The following EDIL3 variants were observed in gnomAD, a reference collection of about 807,000 sequenced individuals.
The protein encoded by EDIL3 is EGF-like repeat and discoidin I-like domain-containing protein 3.
EDIL3 carries 37 observed loss-of-function variants against 67.4 expected under a neutral mutation model. That is an observed-to-expected ratio of 0.55 (90% CI 0.42 to 0.72). The LOEUF is 0.72. Ranked by LOEUF, EDIL3 falls within the 30% of genes least tolerant of loss-of-function variation. The pLI, the probability that EDIL3 is intolerant of heterozygous loss-of-function variation, is 0.00. For missense variants in EDIL3, 527 were observed against 586.3 expected (o/e 0.90, Z 1.04); for synonymous variants, 195 against 196.3 (o/e 0.99, Z 0.05).
intron 4 of EDIL3, among the ~76,000 whole-genome samples, chr5:84,156,016 T>C (rs73769751): frequency 8.7e-4 from 133 of 152,330 alleles, no homozygotes; most frequent in African/African-American, 3.1e-3. Flanking sequence ...GCTTCTGTCC[T>C]GTACGGAGGA....
intron 6 of EDIL3, among the ~76,000 whole-genome samples, chr5:84,074,313 A>G (rs1304382475): frequency 6.6e-6 from 1 of 151,550 alleles, no homozygotes; most frequent in Non-Finnish European, 1.5e-5. Flanking sequence ...CTAAAACACC[A>G]AAAGCAATGG....
intron 10 of EDIL3, among the ~76,000 whole-genome samples, chr5:83,955,972 T>G (rs1580251228): frequency 6.6e-6 from 1 of 151,958 alleles, no homozygotes; most frequent in Non-Finnish European, 1.5e-5. Context: ...GAAGGACAAC[T>G]GGCTTTCAAT....
intron 1 of EDIL3, among the ~76,000 whole-genome samples, chr5:84,302,335 C>T (rs1329193194): frequency 6.6e-6 from 1 of 152,008 alleles, no homozygotes; most frequent in Non-Finnish European, 1.5e-5. Context: ...CTCACTCTGT[C>T]GCCCAGGCTA....
chr5:84,139,977 G>C (rs907089097), intron 4 of EDIL3, among the ~76,000 whole-genome samples: 11 of 152,148 alleles, frequency 7.2e-5, no homozygotes, highest in Non-Finnish European at 1.2e-4. Context: ...CCATGTCAGA[G>C]AATGTAGATA....
chr5:84,344,608 T>C (rs955084574), intron 1 of EDIL3, among the ~76,000 whole-genome samples: 1 of 151,944 alleles, frequency 6.6e-6, no homozygotes, highest in Non-Finnish European at 1.5e-5. Context: ...TAATGTAAAA[T>C]ACATACCAGT....
At chr5:84,007,423 T>A (rs1171137575) in intron 9 of EDIL3, among the ~76,000 whole-genome samples, 1 of 152,108 alleles carries the variant, frequency 6.6e-6, no homozygotes, top group East Asian at 1.9e-4. Context: ...AACAACTCAG[T>A]AGGAAAAAAA....
chr5:84,314,305 A>G (rs2112147300), intron 1 of EDIL3, among the ~76,000 whole-genome samples: 1 of 152,338 alleles, frequency 6.6e-6, no homozygotes, highest in Middle Eastern at 3.4e-3. Context: ...GGGTAGGAAC[A>G]GCATGTAGTA....
At chr5:84,256,568 G>A (rs1027757298) in intron 1 of EDIL3, among the ~76,000 whole-genome samples, 1 of 152,086 alleles carries the variant, frequency 6.6e-6, no homozygotes, top group Non-Finnish European at 1.5e-5. Context: ...ATATAAATAC[G>A]TATTAGAAAT....
At chr5:84,205,070 GC>G (rs1561219884) in intron 3 of EDIL3, among the ~76,000 whole-genome samples, 1 of 133,484 alleles carries the variant, frequency 7.5e-6, no homozygotes, top group Non-Finnish European at 1.6e-5. Context: ...ATGCCACCAT[GC>G]CCTGGAAGAT....
chr5:84,108,219 C>T (rs1747497557), intron 5 of EDIL3, among the ~76,000 whole-genome samples: 1 of 151,792 alleles, frequency 6.6e-6, no homozygotes, highest in Non-Finnish European at 1.5e-5. Context: ...TCACTGTTAA[C>T]CATATTTTTA....
At chr5:84,181,069 T>C (rs1749004433) in intron 3 of EDIL3, 1 of 152,210 alleles carries the variant, frequency 6.6e-6, no homozygotes, top group South Asian at 2.1e-4. Flanking sequence ...GCAAAGCTTT[T>C]ATAGAGTATG....
At chr5:83,973,236 A>G (rs553862745) in intron 9 of EDIL3, among the ~76,000 whole-genome samples, 9 of 152,064 alleles carry the variant, frequency 5.9e-5, no homozygotes, top group Non-Finnish European at 1.2e-4. Context: ...GTGGTGGTTA[A>G]TTGAATTAGT....
chr5:84,253,061 A>G (rs1425267511), intron 2 of EDIL3, among the ~76,000 whole-genome samples: 1 of 152,216 alleles, frequency 6.6e-6, no homozygotes, highest in Non-Finnish European at 1.5e-5. Flanking sequence ...TAATGGTTTT[A>G]TTTAATTATT....
intron 1 of EDIL3, among the ~76,000 whole-genome samples, chr5:84,381,201 C>T (rs553575043): frequency 6.8e-4 from 104 of 152,132 alleles, no homozygotes; most frequent in African/African-American, 2.4e-3. Context: ...TCTAAGGAAA[C>T]ATTTCAGGAA....
intron 2 of EDIL3, among the ~76,000 whole-genome samples, chr5:84,243,835 T>C (rs1744846734): frequency 6.6e-6 from 1 of 152,158 alleles, no homozygotes; most frequent in Non-Finnish European, 1.5e-5. Flanking sequence ...TTTTATACTC[T>C]CAAAGGCCAA....
intron 1 of EDIL3, among the ~76,000 whole-genome samples, chr5:84,344,481 A>G (rs1747196998): frequency 1.3e-5 from 2 of 152,042 alleles, no homozygotes; most frequent in South Asian, 4.1e-4. Context: ...AAGAATTTTA[A>G]ACACGTTACC....
intron 9 of EDIL3, among the ~76,000 whole-genome samples, chr5:84,012,900 T>C (rs1451513654): frequency 6.6e-6 from 1 of 152,042 alleles, no homozygotes; most frequent in African/African-American, 2.4e-5. Context: ...AGACTCTAAC[T>C]GAATATATAA....
intron 6 of EDIL3, among the ~76,000 whole-genome samples, chr5:84,077,324 G>A (rs567743489): frequency 6.6e-6 from 1 of 152,190 alleles, no homozygotes; most frequent in Admixed American, 6.5e-5. Flanking sequence ...CTTCTTCAAG[G>A]GATATGTGAA....
intron 1 of EDIL3, among the ~76,000 whole-genome samples, chr5:84,294,384 C>CAAAAAAAAA (rs1173407354): frequency 3.1e-5 from 1 of 31,808 alleles, no homozygotes; most frequent in African/African-American, 9.3e-5. Context: ...GACTCTGTCT[C>CAAAAAAAAA]AAAAAAAAAA....
Sources: allele counts gnomAD v4.1 joint callset (sites outside exome capture counted in the v4.1 genomes callset), GRCh38; gene constraint gnomAD v4.1.1; transcripts MANE v1.5; gene names NCBI Gene and HGNC (gene_info 2026-07-23, HGNC 2026-07-21).